TRPV1: variants seen among roughly 807,000 people sequenced by gnomAD.
TRPV1 encodes the protein OTRPC1.
Under a neutral mutation model 82.3 loss-of-function variants are expected in TRPV1, and 82 were observed. The observed-to-expected ratio is 1.00, with a 90% CI of 0.83 to 1.20. The LOEUF is 1.20. Ranked by LOEUF, TRPV1 falls within the 50% of genes most tolerant of loss-of-function variation. The pLI is 0.00. For synonymous variants in TRPV1, 515 were observed against 467.7 expected, an observed-to-expected ratio of 1.10 and a Z score of -1.30; for missense variants, 1,067 against 1,096.8, an observed-to-expected ratio of 0.97 and a Z score of 0.38.
intron 8 of TRPV1, 70 bp from the exon 9 acceptor site, chr17:3,585,996 TG>T: frequency 6.3e-7 from 1 of 1,584,812 alleles, no homozygotes; most frequent in Non-Finnish European, 8.6e-7. Context: ...CACCAGCCCG[TG>T]GTGCCCCTCA....
chr17:3,577,328 G>T, intron 12 of TRPV1, 136 bp from the exon 13 acceptor site: 2 of 990,656 alleles, frequency 2.0e-6, no homozygotes, highest in East Asian at 2.6e-5. Flanking sequence ...CAGCTCAGGG[G>T]TCATGAGGGA....
At chr17:3,575,517 T>A (rs2074918526) in intron 13 of TRPV1, among the ~76,000 whole-genome samples, 1 of 151,532 alleles carries the variant, frequency 6.6e-6, no homozygotes, top group South Asian at 2.1e-4. Flanking sequence ...TTGGCCACCA[T>A]CACAGGATGA....
At position 3,589,844 on chromosome 17, in the gene TRPV1, G is replaced by A. The variant is rs1411367518; in HGVS notation, c.1007C>T (p.Thr336Met). The A allele has an allele frequency of 1.6e-5, 26 of 1,613,770 alleles. No homozygotes were observed. The highest frequency in any genetic ancestry group is 3.3e-5 in the Admixed American group (2 of 59,988). Residue 336 changes from threonine to methionine, a missense_variant, in exon 7 of 17, where the codon ACG (threonine) becomes ATG (methionine). By Grantham distance (81) the Thr-to-Met change is moderately conservative. Transcript: ENST00000572705. ...LEELTNKKGM[T>M]PLALAAGTGK... Reference sequence around the variant, plus strand: ...GGTCCCAGCTGCCAGAGCCAGCGGCGTCATTCCCTTCTTGTTGGTGAGCTC... The same window carrying A: ...GGTCCCAGCTGCCAGAGCCAGCGGCATCATTCCCTTCTTGTTGGTGAGCTC...
rs988471237 is a variant in TRPV1, at chr17:3,603,312, C to G, written c.-34+5115G>C. The stretch of plus-strand genomic sequence containing the variant: ...GTCTGAGCTGGGGAGGGGTCAGACA[C>G]CCAGTCAGCACAGAACGCTGGAGCC... On this transcript the variant is annotated intron_variant, in intron 2 of 16. Transcript: ENST00000572705. Among the ~76,000 whole-genome samples, 18 of 152,048 alleles carry G rather than the reference C, an allele frequency of 1.2e-4. 1 individual carries two copies. Among genetic ancestry groups the G allele is most frequent in the Non-Finnish European group, 5.9e-5 (4 of 67,994 alleles).
chr17:3,587,918 C>T (rs2075104217), intron 8 of TRPV1, among the ~76,000 whole-genome samples: 1 of 151,446 alleles, frequency 6.6e-6, no homozygotes, highest in East Asian at 1.9e-4. Flanking sequence ...CAAAATGAAA[C>T]TGTGCATTTT....
chr17:3,570,981 T>A (rs143143558), intron 16 of TRPV1, among the ~76,000 whole-genome samples: 340 of 152,274 alleles, frequency 2.2e-3, no homozygotes, highest in African/African-American at 7.2e-3. Context: ...CCTCCCAAAG[T>A]GCTGGGATGA....
At chr17:3,582,409 A>G (rs2075032655) in intron 10 of TRPV1, among the ~76,000 whole-genome samples, 1 of 152,062 alleles carries the variant, frequency 6.6e-6, no homozygotes, top group African/African-American at 2.4e-5. Context: ...GGGTTTCCAG[A>G]GTCAAAAAAA....
chr17:3,585,740 C>T, intron 9 of TRPV1, 28 bp downstream of exon 9: 2 of 1,604,586 alleles, frequency 1.2e-6, no homozygotes, highest in Non-Finnish European at 1.7e-6. Flanking sequence ...CACACCCTCG[C>T]CCACGAGGCC....
chr17:3,569,332 TGGGA>T (rs2074816964), intron 16 of TRPV1, among the ~76,000 whole-genome samples: 1 of 151,368 alleles, frequency 6.6e-6, no homozygotes, highest in Non-Finnish European at 1.5e-5. Flanking sequence ...GAGGCTGAGG[TGGGA>T]GGATCACTTG....
chr17:3,573,816 C>G lies in TRPV1; in HGVS notation c.1920G>C (p.Lys640Asn). 6.2e-7 allele frequency: 1 copy of G among 1,613,872 alleles called. No individual in the cohort carries two copies. Among genetic ancestry groups the G allele is most frequent in the Non-Finnish European group, 8.5e-7 (1 of 1,179,860 alleles). ...SLYSTCLELF[K>N]FTIGMGDLEF... ...CCAGGTCGCCCATGCCGATGGTGAA[C>G]TTGAACAGCTCCAGGCAGGTGGAGT... is the stretch of plus-strand genomic sequence containing the variant. Residue 640 changes from lysine to asparagine, a missense_variant, in exon 14 of 17, where the codon AAG (lysine) becomes AAC (asparagine). By Grantham distance (94) the Lys-to-Asn change is moderately conservative (BLOSUM62 0). Transcript: ENST00000572705.
chr17:3,569,850 G>A (rs181983325), intron 16 of TRPV1, among the ~76,000 whole-genome samples: 55 of 152,076 alleles, frequency 3.6e-4, no homozygotes, highest in Admixed American at 2.9e-3. Flanking sequence ...AACCTTTAAC[G>A]TCTCTGTCCC....
chr17:3,591,930 A>G, intron 3 of TRPV1, 137 bp downstream of exon 3: 2 of 1,281,374 alleles, frequency 1.6e-6, no homozygotes, highest in South Asian at 3.1e-5. Flanking sequence ...ATGAGGAAGG[A>G]CGCTGGACCA....
rs902413535 is a variant in TRPV1 at position 3,592,323 on chromosome 17, C to T, written c.28G>A (p.Gly10Arg). The change falls in exon 3 of 17, where the codon GGG becomes AGG. Residue 10 changes from glycine to arginine, a missense_variant. Physicochemically the swap from Gly to Arg is moderately radical, Grantham distance 125. Coordinates refer to ENST00000572705, the MANE Select transcript of TRPV1 (RefSeq NM_080704.4). MKKWSSTDL[G>R]AAADPLQKDT... is the part of the protein sequence containing the mutation. ...TTTTGGAGTGGGTCCGCAGCTGCCC[C>T]CAAGTCTGTGCTGCTCCATTTCTTC... 4 of 1,596,714 alleles carry T rather than the reference C, an allele frequency of 2.5e-6. No homozygotes were observed. In the African/African-American group the frequency reaches 4.0e-5, roughly 16 times the overall value.
intron 8 of TRPV1, 140 bp from the exon 9 acceptor site, chr17:3,586,066 C>A: frequency 1.8e-6 from 2 of 1,112,504 alleles, no homozygotes; most frequent in Non-Finnish European, 2.5e-6. Context: ...GAGGTCTGAG[C>A]CAGCCGGCAG....
rs1555549486 is a variant in TRPV1, at chr17:3,576,677, A to ATATATG, written c.1780+448_1780+449insCATATA. Among the ~76,000 whole-genome samples the ATATATG allele has an allele frequency of 2.9e-4, 28 of 95,244 alleles. 1 individual carries two copies. In the East Asian group the frequency reaches 5.0e-3, roughly 17 times the overall value. The allele number at this position is 95,244 out of a possible 152,430, so 62.5% of individuals were successfully genotyped here. A position where few individuals can be genotyped will look rare whatever the true frequency, so the allele number is the denominator to read the frequency against. The stretch of plus-strand genomic sequence containing the variant: ...AGAAAAAAAAAAAAAAAATATATAT[A>ATATATG]TATATATATATATGCATAAAAACTA... On this transcript the variant is annotated intron_variant, in intron 13 of 16. Transcript: ENST00000572705.
intron 2 of TRPV1, chr17:3,592,757 G>C: frequency 5.3e-5 from 9 of 170,758 alleles, no homozygotes; most frequent in East Asian, 1.7e-4. Flanking sequence ...TCCCCACACA[G>C]AACAAGGAAA....
intron 7 of TRPV1, among the ~76,000 whole-genome samples, 200 bp downstream of exon 7, chr17:3,589,607 T>C (rs2075128037): frequency 6.6e-6 from 1 of 152,158 alleles, no homozygotes; most frequent in Admixed American, 6.6e-5. Flanking sequence ...AAATTCAAAA[T>C]GGCACGTTGG....
chr17:3,601,002 G>A (rs2075257887), intron 2 of TRPV1, among the ~76,000 whole-genome samples: 1 of 151,952 alleles, frequency 6.6e-6, no homozygotes. Flanking sequence ...CCCTGAATCT[G>A]CAGGTGAAGC....
rs905970257 is a variant in TRPV1 at position 3,588,253 on chromosome 17, A to G, written c.1159T>C (p.Cys387Arg). The G allele has an allele frequency of 5.1e-6, 8 of 1,583,080 alleles. No individual in the cohort carries two copies. The highest frequency in any genetic ancestry group is 6.9e-6 in the Non-Finnish European group (8 of 1,165,192). ...GAGTTCTTCTCGCAGGTGTCGATGC[A>G]GGACAGGTCGTACAGCGAGGAGTGC... ...PVHSSLYDLSCIDTCEKNSVL... is the reference protein window; with the variant it reads ...PVHSSLYDLSRIDTCEKNSVL... The change falls in exon 8 of 17, where the codon TGC becomes CGC. Residue 387 changes from cysteine to arginine, a missense_variant. Cys to Arg is a radical substitution (Grantham distance 180). Coordinates refer to ENST00000572705, the MANE Select transcript of TRPV1 (RefSeq NM_080704.4).
Sources: allele counts gnomAD v4.1 joint callset (sites outside exome capture counted in the v4.1 genomes callset), GRCh38; gene constraint gnomAD v4.1.1; transcripts MANE v1.5; gene names NCBI Gene and HGNC (gene_info 2026-07-23, HGNC 2026-07-21).